Variants in USP34 observed in about 807,000 individuals in gnomAD.
USP34 encodes ubiquitin specific peptidase 34.
Under a neutral mutation model 460.3 loss-of-function variants are expected in USP34, and 70 were observed. That is an observed-to-expected ratio of 0.15 (90% CI 0.13 to 0.19). The LOEUF is 0.19. Ranked by LOEUF, USP34 falls within the 10% of genes least tolerant of loss-of-function variation. USP34 has a pLI of 1.00. For synonymous variants in USP34, 1,647 were observed against 1,405.3 expected, an observed-to-expected ratio of 1.17 and a Z score of -3.85; for missense variants, 3,985 against 4,236.2, an observed-to-expected ratio of 0.94 and a Z score of 1.65.
chr2:61,353,738 A>C (rs1347816718), intron 10 of USP34, among the ~76,000 whole-genome samples: 1 of 152,144 alleles, frequency 6.6e-6, no homozygotes, highest in Non-Finnish European at 1.5e-5. Context: ...CACTAGACAA[A>C]GATTTTAAAA....
intron 70 of USP34, 116 bp downstream of exon 70, chr2:61,208,782 TA>T: frequency 1.7e-6 from 1 of 592,692 alleles, no homozygotes; most frequent in Non-Finnish European, 2.7e-6. Flanking sequence ...TCTATATAAT[TA>T]AAACCTTGCC....
chr2:61,374,464 C>T (rs1323945521), intron 8 of USP34, among the ~76,000 whole-genome samples: 3 of 152,194 alleles, frequency 2.0e-5, no homozygotes, highest in Admixed American at 6.5e-5. Context: ...CACTCACAGA[C>T]ATGCACATAG....
intron 5 of USP34, among the ~76,000 whole-genome samples, chr2:61,390,662 G>A (rs569249278): frequency 3.3e-4 from 51 of 152,328 alleles, no homozygotes; most frequent in Middle Eastern, 6.8e-3. Flanking sequence ...TGAAACAAAT[G>A]TATGGGCTTG....
At chr2:61,282,968 G>C (rs1689579712) in intron 37 of USP34, among the ~76,000 whole-genome samples, 177 bp downstream of exon 37, 1 of 152,062 alleles carries the variant, frequency 6.6e-6, no homozygotes, top group Admixed American at 6.5e-5. Context: ...ATAATAGTCA[G>C]AAGTTCTTAA....
At chr2:61,271,442 G>GT (rs1689210761) in intron 41 of USP34, among the ~76,000 whole-genome samples, 1 of 152,144 alleles carries the variant, frequency 6.6e-6, no homozygotes, top group African/African-American at 2.4e-5. Context: ...TTTTGCATAA[G>GT]ACAAATGTAC....
At chr2:61,284,480 G>C (rs896466701) in intron 35 of USP34, among the ~76,000 whole-genome samples, 6 of 151,988 alleles carry the variant, frequency 3.9e-5, no homozygotes, top group Non-Finnish European at 8.8e-5. Context: ...CTGCTATAAA[G>C]AATACCAATA....
chr2:61,261,494 G>T (rs1242089692), intron 43 of USP34, among the ~76,000 whole-genome samples: 1 of 152,120 alleles, frequency 6.6e-6, no homozygotes, highest in Non-Finnish European at 1.5e-5. Context: ...TGGTTGCAAG[G>T]GGGGTTGGGA....
intron 1 of USP34, among the ~76,000 whole-genome samples, chr2:61,451,053 A>C (rs1695257960): frequency 6.6e-6 from 1 of 151,360 alleles, no homozygotes; most frequent in African/African-American, 2.4e-5. Context: ...CCCCATCTCT[A>C]CTAAAAATGT....
At chr2:61,206,315 A>G (rs573604540) in intron 71 of USP34, among the ~76,000 whole-genome samples, 191 bp from the exon 72 acceptor site, 16 of 152,242 alleles carry the variant, frequency 1.1e-4, no homozygotes, top group African/African-American at 1.9e-4. Context: ...CTTAAAGAAC[A>G]TATTTCATTG....
chr2:61,282,712 C>T (rs1024755907), intron 37 of USP34, among the ~76,000 whole-genome samples: 3 of 152,176 alleles, frequency 2.0e-5, no homozygotes, highest in East Asian at 3.9e-4. Flanking sequence ...ATCGCTTGTT[C>T]CCAGGAGGTT....
intron 23 of USP34, 22 bp downstream of exon 23, chr2:61,317,632 T>C (rs780723283): frequency 5.0e-5 from 78 of 1,573,354 alleles, no homozygotes; most frequent in Non-Finnish European, 6.7e-5. Flanking sequence ...AGTTGCCTAA[T>C]AAAGTAAGTC....
At chr2:61,276,943 C>T (rs1257280235) in intron 41 of USP34, among the ~76,000 whole-genome samples, 3 of 152,304 alleles carry the variant, frequency 2.0e-5, no homozygotes, top group South Asian at 4.1e-4. Flanking sequence ...AAGGTAACAG[C>T]TCTCCAGACC....
chr2:61,266,090 T>C lies in USP34; in HGVS notation c.5511A>G (p.Ser1837=), dbSNP rs113399084. ...CGTAAGCGGCAGCTCTTGAAGAATGTGATTTGCACTTTGGCTGTTGTCGGT... is the reference window on the plus strand; with the variant it reads ...CGTAAGCGGCAGCTCTTGAAGAATGCGATTTGCACTTTGGCTGTTGTCGGT... ...LKDRQQPKCK[S]HSSRAAAYDL... The change falls in exon 42 of 80, where the codon TCA becomes TCG. Residue 1837 remains serine (S), a synonymous_variant. Transcript: ENST00000398571. The C allele has an allele frequency of 3.7e-6, 6 of 1,613,922 alleles. No individual in the cohort carries two copies. In the African/African-American group the frequency reaches 4.0e-5, roughly 11 times the overall value.
intron 3 of USP34, among the ~76,000 whole-genome samples, chr2:61,405,232 C>CAAAAAAAAA (rs199659618): frequency 3.8e-5 from 3 of 78,060 alleles, no homozygotes; most frequent in African/African-American, 4.9e-5. Context: ...GACTCCATCT[C>CAAAAAAAAA]AAAAAAAAAA....
At chr2:61,279,100 T>G (rs1002342340) in intron 39 of USP34, among the ~76,000 whole-genome samples, 12 of 148,284 alleles carry the variant, frequency 8.1e-5, no homozygotes, top group Admixed American at 1.3e-4. Context: ...CCCAGGTTGT[T>G]TTTTTTTTTT....
intron 3 of USP34, among the ~76,000 whole-genome samples, chr2:61,395,732 G>C (rs1369654594): frequency 1.4e-5 from 2 of 143,266 alleles, no homozygotes; most frequent in African/African-American, 2.7e-5. Context: ...CTTGCAGTGA[G>C]CGGAGATCGC....
rs1431667191 is a variant in USP34, at chr2:61,311,544, A to T, written c.3813T>A (p.Phe1271Leu). Residue 1271 changes from phenylalanine to leucine, a missense_variant, in exon 27 of 80, where the codon TTT (phenylalanine) becomes TTA (leucine). Physicochemically the swap from Phe to Leu is conservative, Grantham distance 22. Coordinates refer to ENST00000398571, the MANE Select transcript of USP34 (RefSeq NM_014709.4). Reference protein sequence around the residue: ...EFGQSNRKGEFPGGLMGPVRM... With the variant: ...EFGQSNRKGELPGGLMGPVRM... ...AATTTGAATTGAAAGGCTTACCAGG[A>T]AACTCTCCTTTTCGGTTGCTTTGAC... 1 of 1,583,886 alleles carries T rather than the reference A, an allele frequency of 6.3e-7. No individual in the cohort carries two copies. Among genetic ancestry groups the T allele is most frequent in the East Asian group, 2.3e-5 (1 of 44,174 alleles).
At chr2:61,470,378 A>T (rs1406898226) in intron 1 of USP34, among the ~76,000 whole-genome samples, 1 of 151,868 alleles carries the variant, frequency 6.6e-6, no homozygotes, top group African/African-American at 2.4e-5. Flanking sequence ...TGACACCTGT[A>T]ATGAGGAAAC....
intron 32 of USP34, 38 bp downstream of exon 32, chr2:61,294,911 A>G: frequency 6.6e-7 from 1 of 1,525,512 alleles, no homozygotes; most frequent in Non-Finnish European, 9.0e-7. Context: ...AAGATAAATT[A>G]TTTTTATCAA....
Sources: allele counts gnomAD v4.1 joint callset (sites outside exome capture counted in the v4.1 genomes callset), GRCh38; gene constraint gnomAD v4.1.1; transcripts MANE v1.5; gene names NCBI Gene and HGNC (gene_info 2026-07-23, HGNC 2026-07-21).